ERBB4: variants seen among roughly 807,000 people sequenced by gnomAD.
ERBB4 encodes the protein receptor tyrosine-protein kinase erbB-4.
ERBB4 carries 42 observed loss-of-function variants against 158.0 expected under a neutral mutation model. That is an observed-to-expected ratio of 0.27 (90% CI 0.21 to 0.34). ERBB4 has a LOEUF of 0.34. Among genes scored for constraint, ERBB4 ranks in the 10% least tolerant of loss-of-function variants. The pLI is 1.00. For synonymous variants in ERBB4, 583 were observed against 558.7 expected (o/e 1.04, Z -0.61); for missense variants, 1,333 against 1,624.1 (o/e 0.82, Z 3.08).
At chr2:211,682,448 C>T (rs1467273226) in intron 12 of ERBB4, among the ~76,000 whole-genome samples, 1 of 152,230 alleles carries the variant, frequency 6.6e-6, no homozygotes, top group South Asian at 2.1e-4. Context: ...AATTCAAATG[C>T]TAACCTCATT....
Position 211,885,858 on chromosome 2 carries a change from G to C in ERBB4, c.421+61572C>G, listed in dbSNP as rs142785643. Among the ~76,000 whole-genome samples the C allele has an allele frequency of 3.2e-3, 493 of 152,212 alleles. 2 individuals are homozygous for C. Among genetic ancestry groups the C allele is most frequent in the African/African-American group, 0.011 (445 of 41,518 alleles). On this transcript the variant is annotated intron_variant, in intron 3 of 27. Transcript: ENST00000342788. ...GTTTCTTAATGAAATTAGTCTTTAA[G>C]TTTCATGTTGGTACTTTACTATATG...
chr2:212,108,531 T>G (rs16847714), intron 2 of ERBB4, among the ~76,000 whole-genome samples: 3,395 of 152,204 alleles, frequency 0.022, 133 homozygotes, highest in African/African-American at 0.078. Context: ...ATACCATACT[T>G]TAAAACTCTC....
At chr2:212,339,540 A>C (rs1216673308) in intron 1 of ERBB4, among the ~76,000 whole-genome samples, 1 of 152,174 alleles carries the variant, frequency 6.6e-6, no homozygotes, top group African/African-American at 2.4e-5. Flanking sequence ...ATTTTGTCTC[A>C]TTAAAAAAGT....
chr2:211,604,303 C>T (rs73078720), intron 19 of ERBB4, among the ~76,000 whole-genome samples: 3,107 of 152,194 alleles, frequency 0.02, 85 homozygotes, highest in African/African-American at 0.061. Flanking sequence ...CCAATTTTTG[C>T]GTTTGTTTCC....
At chr2:212,280,493 T>C (rs1442426967) in intron 1 of ERBB4, among the ~76,000 whole-genome samples, 1 of 151,618 alleles carries the variant, frequency 6.6e-6, no homozygotes, top group Non-Finnish European at 1.5e-5. Flanking sequence ...TAAAAATCAA[T>C]ATTCTACATC....
chr2:212,373,709 A>G (rs1235382246), intron 1 of ERBB4, among the ~76,000 whole-genome samples: 2 of 147,612 alleles, frequency 1.4e-5, no homozygotes, highest in African/African-American at 2.5e-5. Flanking sequence ...CCATATATAT[A>G]TCCACATATA....
intron 20 of ERBB4, among the ~76,000 whole-genome samples, chr2:211,542,137 T>C (rs2066826052): frequency 6.6e-6 from 1 of 151,996 alleles, no homozygotes; most frequent in Non-Finnish European, 1.5e-5. Flanking sequence ...TACTTTCACC[T>C]CAAGAAGGGA....
rs111827024 is a variant in ERBB4, at chr2:212,401,023, C to T, written c.82+137426G>A. Among the ~76,000 whole-genome samples, 145 of 152,188 alleles carry T rather than the reference C, an allele frequency of 9.5e-4. 2 individuals carry two copies. The highest frequency in any genetic ancestry group is 3.3e-3 in the African/African-American group (135 of 41,536). ...GAGAATGCTATGTTTTGGTTCATAACGATACAGCACTTAATGCCAATTTTA... is the reference window on the plus strand; with the variant it reads ...GAGAATGCTATGTTTTGGTTCATAATGATACAGCACTTAATGCCAATTTTA... On this transcript the variant is annotated intron_variant, in intron 1 of 27. Coordinates refer to ENST00000342788, the MANE Select transcript of ERBB4 (RefSeq NM_005235.3).
intron 1 of ERBB4, among the ~76,000 whole-genome samples, chr2:212,456,490 GT>G (rs923844254): frequency 9.2e-5 from 14 of 151,510 alleles, no homozygotes; most frequent in Admixed American, 3.3e-4. Flanking sequence ...TCAACTGATT[GT>G]TCTTAAGTAT....
intron 1 of ERBB4, among the ~76,000 whole-genome samples, chr2:212,201,466 G>T (rs1373522214): frequency 6.6e-6 from 1 of 151,986 alleles, no homozygotes; most frequent in African/African-American, 2.4e-5. Flanking sequence ...ATCCTGGGTG[G>T]ATTTTATTTT....
Position 211,699,822 on chromosome 2 carries a change from T to C in ERBB4, c.1489+2145A>G, listed in dbSNP as rs1432969050. Among the ~76,000 whole-genome samples the C allele has an allele frequency of 2.0e-5, 3 of 152,310 alleles. No homozygotes were observed. The East Asian group carries it at 5.8e-4, about 29-fold the overall frequency. The stretch of plus-strand genomic sequence containing the variant: ...ATTGTCATTATTCACTCTCTTTTGG[T>C]CATTTGAAATGTTTAGAAGTTTTAA... On this transcript the variant is annotated intron_variant, in intron 12 of 27. Coordinates refer to ENST00000342788, the MANE Select transcript of ERBB4 (RefSeq NM_005235.3).
chr2:211,654,316 A>G (rs2071128156), intron 16 of ERBB4, among the ~76,000 whole-genome samples: 1 of 152,240 alleles, frequency 6.6e-6, no homozygotes, highest in Admixed American at 6.5e-5. Flanking sequence ...TGATTCTGAC[A>G]AGTCAATGCA....
chr2:211,919,822 T>C (rs958553666), intron 3 of ERBB4, among the ~76,000 whole-genome samples: 1 of 151,978 alleles, frequency 6.6e-6, no homozygotes, highest in Admixed American at 6.6e-5. Flanking sequence ...TATGTAGACA[T>C]ACTTTCATAT....
intron 2 of ERBB4, among the ~76,000 whole-genome samples, chr2:212,059,778 T>C (rs1445329364): frequency 4.6e-5 from 7 of 152,134 alleles, no homozygotes; most frequent in Non-Finnish European, 8.8e-5. Context: ...TTACACCTTA[T>C]ACAAAAATTA....
At chr2:211,744,298 T>G (rs1470061052) in intron 5 of ERBB4, among the ~76,000 whole-genome samples, 1 of 152,208 alleles carries the variant, frequency 6.6e-6, no homozygotes, top group African/African-American at 2.4e-5. Context: ...TAAATTTTAC[T>G]GAAAATGTAC....
chr2:211,560,586 T>G (rs2067364472), intron 20 of ERBB4, among the ~76,000 whole-genome samples: 1 of 152,152 alleles, frequency 6.6e-6, no homozygotes, highest in Non-Finnish European at 1.5e-5. Context: ...AAGCTTAGCT[T>G]TGTTTTCATT....
chr2:211,500,827 A>G (rs1009367905), intron 20 of ERBB4, among the ~76,000 whole-genome samples: 4 of 152,066 alleles, frequency 2.6e-5, no homozygotes, highest in African/African-American at 9.6e-5. Context: ...TTGCCAGGTC[A>G]TTCTAATTAT....
chr2:211,976,451 T>G (rs916460492), intron 2 of ERBB4, among the ~76,000 whole-genome samples: 1 of 151,942 alleles, frequency 6.6e-6, no homozygotes, highest in African/African-American at 2.4e-5. Context: ...TTTTATTGTG[T>G]TTTTTTCTTA....
chr2:211,606,160 G>A (rs1398614709), intron 19 of ERBB4, among the ~76,000 whole-genome samples: 1 of 152,016 alleles, frequency 6.6e-6, no homozygotes, highest in Non-Finnish European at 1.5e-5. Context: ...GTTTATTTCA[G>A]AAGCAGTGGA....
Sources: allele counts gnomAD v4.1 joint callset (sites outside exome capture counted in the v4.1 genomes callset), GRCh38; gene constraint gnomAD v4.1.1; transcripts MANE v1.5; gene names NCBI Gene and HGNC (gene_info 2026-07-23, HGNC 2026-07-21).